The following TCERG1L variants were observed in gnomAD, a reference collection of about 807,000 sequenced individuals.
TCERG1L encodes transcription elongation regulator 1-like protein.
TCERG1L carries 37 observed loss-of-function variants against 56.3 expected under a neutral mutation model. The ratio of observed to expected loss-of-function variants is 0.66; its 90% confidence interval spans 0.51 to 0.87. The LOEUF (loss-of-function observed/expected upper bound fraction) is 0.87, where lower values mean the gene tolerates loss of function less well. TCERG1L is among the 40% of genes least tolerant of loss of function. The probability of loss-of-function intolerance (pLI) is 0.00; values close to 1 mark genes in which losing one functional copy is unlikely to be tolerated. For synonymous variants in TCERG1L, 324 were observed against 326.3 expected (o/e 0.99, Z 0.08); for missense variants, 799 against 774.2 (o/e 1.03, Z -0.38).
intron 4 of TCERG1L, among the ~76,000 whole-genome samples, chr10:131,241,878 C>T (rs1845977881): frequency 1.3e-5 from 2 of 151,534 alleles, no homozygotes; most frequent in Non-Finnish European, 2.9e-5. Context: ...TCACAATTAC[C>T]GCAGCATTTC....
chr10:131,171,737 A>G (rs1014711881), intron 4 of TCERG1L, among the ~76,000 whole-genome samples: 2 of 152,106 alleles, frequency 1.3e-5, no homozygotes, highest in Non-Finnish European at 2.9e-5. Flanking sequence ...CACCTGGCTC[A>G]TTTTTGTATT....
chr10:131,234,584 A>G (rs900877755), intron 4 of TCERG1L, among the ~76,000 whole-genome samples: 1 of 152,212 alleles, frequency 6.6e-6, no homozygotes, highest in East Asian at 1.9e-4. Flanking sequence ...GAAAGAGTGT[A>G]CTCATTTATT....
chr10:131,259,144 T>C (rs531564562), intron 4 of TCERG1L, among the ~76,000 whole-genome samples: 3 of 152,194 alleles, frequency 2.0e-5, no homozygotes, highest in Non-Finnish European at 2.9e-5. Context: ...CGAAGGTCCA[T>C]TGTTGAAAAA....
chr10:131,291,397 ATTTCTT>A (rs1846621466), intron 3 of TCERG1L, among the ~76,000 whole-genome samples: 20 of 60,160 alleles, frequency 3.3e-4, no homozygotes, highest in Non-Finnish European at 4.5e-4. Flanking sequence ...CATAAACAGC[ATTTCTT>A]TTTTTTTTTT....
chr10:131,245,276 G>T (rs1029763617), intron 4 of TCERG1L, among the ~76,000 whole-genome samples: 3 of 152,236 alleles, frequency 2.0e-5, no homozygotes, highest in African/African-American at 7.2e-5. Context: ...CAGGAGCAAT[G>T]ATAATTACAG....
chr10:131,092,413 TAA>T lies in TCERG1L; in HGVS notation c.*747_*748del, dbSNP rs548121126. ...ACACTGGTTTAAAATATTTATTGAT[TAA>T]AAAAAATTAAAAATTTTTTATACAA... is the stretch of plus-strand genomic sequence containing the variant. On this transcript the variant is annotated 3_prime_UTR_variant, in exon 12 of 12. Transcript: ENST00000368642. The T allele has an allele frequency of 6.6e-6, 1 of 152,526 alleles. No homozygotes were observed. Among genetic ancestry groups the T allele is most frequent in the Non-Finnish European group, 1.5e-5 (1 of 68,016 alleles). The allele number at this position is 152,526 out of a possible 1,614,324, so 9.4% of individuals were successfully genotyped here.
At chr10:131,288,013 GACT>G (rs1306219268) in intron 3 of TCERG1L, among the ~76,000 whole-genome samples, 1 of 152,132 alleles carries the variant, frequency 6.6e-6, no homozygotes, top group Non-Finnish European at 1.5e-5. Context: ...GTATTTTTCT[GACT>G]TCTTCCAGAT....
chr10:131,165,276 C>T (rs556464463), intron 5 of TCERG1L, among the ~76,000 whole-genome samples: 5 of 152,142 alleles, frequency 3.3e-5, no homozygotes, highest in African/African-American at 1.2e-4. Flanking sequence ...AGAAGCATCT[C>T]GCACAGTCTC....
chr10:131,252,411 G>A (rs1228787907), intron 4 of TCERG1L, among the ~76,000 whole-genome samples: 1 of 152,156 alleles, frequency 6.6e-6, no homozygotes, highest in Non-Finnish European at 1.5e-5. Context: ...ACAGCAAAAT[G>A]TCAGCTTTCT....
intron 6 of TCERG1L, among the ~76,000 whole-genome samples, chr10:131,151,577 G>T (rs1416019643): frequency 2.6e-5 from 4 of 152,112 alleles, no homozygotes; most frequent in Admixed American, 6.5e-5. Context: ...TTGCTTTCAC[G>T]GGCTGTTGTT....
intron 4 of TCERG1L, among the ~76,000 whole-genome samples, chr10:131,209,473 T>C (rs1845592250): frequency 6.7e-6 from 1 of 149,406 alleles, no homozygotes; most frequent in Non-Finnish European, 1.5e-5. Flanking sequence ...CATTAGGGAA[T>C]CACTGTTAGA....
intron 6 of TCERG1L, among the ~76,000 whole-genome samples, chr10:131,155,631 G>A (rs1377430288): frequency 1.3e-5 from 2 of 152,178 alleles, no homozygotes; most frequent in Admixed American, 6.5e-5. Context: ...TGATCTCCCC[G>A]CCAGTCGCCA....
intron 4 of TCERG1L, among the ~76,000 whole-genome samples, chr10:131,242,468 C>CA (rs35454567): frequency 0.058 from 8,764 of 152,224 alleles, 338 homozygotes; most frequent in Middle Eastern, 0.14. Context: ...TGGGAGCACT[C>CA]AGAGAGTGGT....
At chr10:131,193,397 T>C (rs957139586) in intron 4 of TCERG1L, among the ~76,000 whole-genome samples, 4 of 152,216 alleles carry the variant, frequency 2.6e-5, no homozygotes, top group Non-Finnish European at 5.9e-5. Flanking sequence ...TTCTTGCCTA[T>C]GCAAGTCAGA....
At chr10:131,187,548 G>A (rs1845257653) in intron 4 of TCERG1L, among the ~76,000 whole-genome samples, 2 of 152,162 alleles carry the variant, frequency 1.3e-5, no homozygotes, top group South Asian at 4.1e-4. Flanking sequence ...AAATGGGGCA[G>A]ATCTGTGAGT....
At chr10:131,184,164 T>C (rs1019666555) in intron 4 of TCERG1L, among the ~76,000 whole-genome samples, 4 of 152,244 alleles carry the variant, frequency 2.6e-5, no homozygotes, top group Non-Finnish European at 5.9e-5. Context: ...ACTTGGAGTG[T>C]GCACTAAGCG....
At chr10:131,272,184 C>T (rs1846346902) in intron 3 of TCERG1L, among the ~76,000 whole-genome samples, 1 of 152,158 alleles carries the variant, frequency 6.6e-6, no homozygotes, top group African/African-American at 2.4e-5. Flanking sequence ...TGCGCCTCCA[C>T]ACACAGCTCC....
Position 131,221,657 on chromosome 10 carries a change from C to T in TCERG1L, c.856+38602G>A, listed in dbSNP as rs369997373. 6.6e-5 allele frequency among the ~76,000 whole-genome samples: 10 copies of T among 152,340 alleles called. No individual in the cohort carries two copies. The East Asian group carries it at 1.4e-3, about 21-fold the overall frequency. Reference sequence around the variant, plus strand: ...GTGTATTGAACACGGATCCCGGCTCCTCTCTAAATGAACATTTTGTCACCG... The same window carrying T: ...GTGTATTGAACACGGATCCCGGCTCTTCTCTAAATGAACATTTTGTCACCG... On this transcript the variant is annotated intron_variant, in intron 4 of 11. Coordinates refer to ENST00000368642, the MANE Select transcript of TCERG1L (RefSeq NM_174937.4).
At position 131,134,414 on chromosome 10, in the gene TCERG1L, G is replaced by T; in HGVS notation, c.1224C>A (p.Asn408Lys). 6.3e-7 allele frequency: 1 copy of T among 1,595,984 alleles called. No individual in the cohort carries two copies. The change falls in exon 8 of 12, where the codon AAC (asparagine) becomes AAA (lysine). Residue 408 changes from asparagine (N) to lysine (K), a missense_variant. Asn to Lys is a moderately conservative substitution (Grantham distance 94). Transcript: ENST00000368642. Reference protein sequence around the residue: ...DNSDGSSSEDNREDQDVKTKR... With the variant: ...DNSDGSSSEDKREDQDVKTKR... ...TGGTTTTCACATCTTGGTCTTCCCT[G>T]TTGTCTTCAGAACTGGACCCATCGC...
Sources: gnomAD v4.1 joint callset for allele counts (sites outside exome capture counted in the v4.1 genomes callset) on GRCh38, gnomAD v4.1.1 for gene constraint, MANE v1.5 for transcripts, NCBI Gene and HGNC (gene_info 2026-07-23, HGNC 2026-07-21) for gene names.